Variants in ZNHIT6 observed in about 807,000 individuals in gnomAD.
The protein encoded by ZNHIT6 is zinc finger HIT-type containing 6, also known as box C/D snoRNA protein 1.
In ZNHIT6, 45 loss-of-function variants were observed where a neutral mutation model predicts 57.2. The ratio of observed to expected loss-of-function variants is 0.79; its 90% CI spans 0.62 to 1.01. ZNHIT6 has a LOEUF of 1.01. ZNHIT6 is among the 50% of genes least tolerant of loss of function. The probability of loss-of-function intolerance (pLI) is 0.00; values close to 1 mark genes in which losing one functional copy is unlikely to be tolerated. For missense variants in ZNHIT6, 528 were observed against 567.3 expected (o/e 0.93, Z 0.70); for synonymous variants, 188 against 190.0 (o/e 0.99, Z 0.09).
At chr1:85,658,095 C>G in intron 8 of ZNHIT6, 124 bp from the exon 9 acceptor site, 1 of 593,248 alleles carries the variant, frequency 1.7e-6, no homozygotes. Context: ...TCAGTAGTTA[C>G]TTCCTTATAG....
chr1:85,662,154 T>TAA lies in ZNHIT6; in HGVS notation c.1248-4184_1248-4183insTT, dbSNP rs138664278. Among the ~76,000 whole-genome samples, 265 of 102,152 alleles carry TAA rather than the reference T, an allele frequency of 2.6e-3. 2 individuals carry two copies. Among genetic ancestry groups the TAA allele is most frequent in the East Asian group, 5.2e-3 (16 of 3,096 alleles). The allele number at this position is 102,152 out of a possible 152,430, so 67.0% of individuals were successfully genotyped here. ...TACTTTATTAGCAAATTAGTGTGCT[T>TAA]TAAAAAAAAAAAAAAAACCTCCTCA... On this transcript the variant is annotated intron_variant, in intron 8 of 9. Transcript: ENST00000370574.
In ZNHIT6 at chr1:85,707,871, C is replaced by T; in HGVS notation, c.414G>A (p.Lys138=). ...TTACCTCTTCCTTTACCTTCTCTTCCTTTACCTCTGGTTCACCCACCTTCG... is the reference window on the plus strand; with the variant it reads ...TTACCTCTTCCTTTACCTTCTCTTCTTTTACCTCTGGTTCACCCACCTTCG... The part of the protein sequence containing the change: ...KEAKVGEPEV[K]EEKVKEEVMD... The change falls in exon 1 of 10, where the codon AAG becomes AAA. Residue 138 remains lysine (K), a synonymous_variant. Coordinates refer to ENST00000370574, the MANE Select transcript of ZNHIT6 (RefSeq NM_017953.4). 6.2e-7 allele frequency: 1 copy of T among 1,614,080 alleles called. No homozygotes were observed.
intron 8 of ZNHIT6, among the ~76,000 whole-genome samples, chr1:85,666,840 A>G (rs1661384111): frequency 6.6e-6 from 1 of 152,188 alleles, no homozygotes; most frequent in African/African-American, 2.4e-5. Context: ...TCCTTAAATG[A>G]TGATTCCTTT....
chr1:85,651,956 A>G lies in ZNHIT6; in HGVS notation c.*2102T>C, dbSNP rs1660922599. ...ATTAATCAAATGAGTTGATAATTAT[A>G]TTTAGGGGAATTCTAAGAGTTATAT... is the stretch of plus-strand genomic sequence containing the variant. On this transcript the variant is annotated 3_prime_UTR_variant, in exon 10 of 10. Coordinates refer to ENST00000370574, the MANE Select transcript of ZNHIT6 (RefSeq NM_017953.4). 6.6e-6 allele frequency: 1 copy of G among 152,224 alleles called. No homozygotes were observed. Among genetic ancestry groups the G allele is most frequent in the Admixed American group, 6.5e-5 (1 of 15,276 alleles). 9.4% of individuals were successfully genotyped at this position (152,224 alleles called of 1,614,324 possible).
chr1:85,668,669 A>AT (rs1190291772), intron 8 of ZNHIT6, among the ~76,000 whole-genome samples: 1 of 152,180 alleles, frequency 6.6e-6, no homozygotes, highest in African/African-American at 2.4e-5. Context: ...TTCAAAGTAT[A>AT]TTTTTCAATT....
At chr1:85,695,763 G>A (rs967490002) in intron 5 of ZNHIT6, among the ~76,000 whole-genome samples, 5 of 152,198 alleles carry the variant, frequency 3.3e-5, no homozygotes, top group African/African-American at 9.6e-5. Flanking sequence ...CAGGCCGGGC[G>A]CGGTGGCTCA....
In ZNHIT6 at chr1:85,707,952, G is replaced by GTTCT; in HGVS notation, c.329_332dup (p.Asn111LysfsTer14). 1 of 1,613,696 alleles carries GTTCT rather than the reference G, an allele frequency of 6.2e-7. No homozygotes were observed. ...CCTGCTTCACCTCCAATACGCCTGC[G>GTTCT]TTCTCATCCTTCACCTCAGGCCTAT... is the stretch of plus-strand genomic sequence containing the variant. On this transcript the variant is annotated frameshift_variant, in exon 1 of 10. Transcript: ENST00000370574. LOFTEE classifies it high-confidence loss of function.
At chr1:85,686,040 C>T (rs1662024640) in intron 5 of ZNHIT6, among the ~76,000 whole-genome samples, 2 of 151,762 alleles carry the variant, frequency 1.3e-5, no homozygotes, top group South Asian at 4.2e-4. Flanking sequence ...CAGCTCACTG[C>T]AAGCTCCACC....
At chr1:85,687,281 C>CAAATAAAAAAAAAAAAA (rs1662075641) in intron 5 of ZNHIT6, among the ~76,000 whole-genome samples, 1 of 33,606 alleles carries the variant, frequency 3.0e-5, no homozygotes, top group Non-Finnish European at 5.7e-5. Context: ...AAGACTATCT[C>CAAATAAAAAAAAAAAAA]AAAAAACAAA....
intron 8 of ZNHIT6, among the ~76,000 whole-genome samples, chr1:85,665,215 T>A (rs554450217): frequency 2.4e-4 from 37 of 152,278 alleles, no homozygotes; most frequent in Middle Eastern, 3.4e-3. Flanking sequence ...TGGTTCATAT[T>A]CTTTTTTTGC....
chr1:85,658,452 G>C (rs1197036269), intron 8 of ZNHIT6, among the ~76,000 whole-genome samples: 1 of 151,978 alleles, frequency 6.6e-6, no homozygotes, highest in Admixed American at 6.6e-5. Context: ...GGATGGTCTC[G>C]ATCTCCTGAC....
chr1:85,690,069 G>A (rs112237799), intron 5 of ZNHIT6, among the ~76,000 whole-genome samples: 1 of 152,092 alleles, frequency 6.6e-6, no homozygotes, highest in African/African-American at 2.4e-5. Context: ...TCTCACAGAT[G>A]GCTAGAATAT....
At chr1:85,667,259 C>T (rs1449057905) in intron 8 of ZNHIT6, among the ~76,000 whole-genome samples, 2 of 152,046 alleles carry the variant, frequency 1.3e-5, no homozygotes, top group Non-Finnish European at 2.9e-5. Context: ...TACCAGAGTA[C>T]CTAAATAATA....
At chr1:85,680,136 T>C (rs1661829462) in intron 6 of ZNHIT6, among the ~76,000 whole-genome samples, 1 of 152,022 alleles carries the variant, frequency 6.6e-6, no homozygotes, top group African/African-American at 2.4e-5. Flanking sequence ...GCCCAGGAGG[T>C]TGAAGCTGCA....
At chr1:85,692,774 A>C (rs1450169779) in intron 5 of ZNHIT6, among the ~76,000 whole-genome samples, 5 of 152,174 alleles carry the variant, frequency 3.3e-5, no homozygotes, top group Non-Finnish European at 1.5e-5. Context: ...TAACTGTTTA[A>C]GGAAAAAAGT....
At chr1:85,679,756 T>G (rs1442212772) in intron 6 of ZNHIT6, among the ~76,000 whole-genome samples, 3 of 152,038 alleles carry the variant, frequency 2.0e-5, no homozygotes, top group Non-Finnish European at 1.5e-5. Context: ...AGCTAATTTT[T>G]GTATTTTTAG....
rs141072495 is a variant in ZNHIT6, at chr1:85,681,320, T to C, written c.1020-416A>G. ...CTGAGGCATGAGTACGTGCATTCAGTAGCAAAACAGGAGACAACAAGCTGG... is the reference window on the plus strand; with the variant it reads ...CTGAGGCATGAGTACGTGCATTCAGCAGCAAAACAGGAGACAACAAGCTGG... On this transcript the variant is annotated intron_variant, in intron 5 of 9. Coordinates refer to ENST00000370574, the MANE Select transcript of ZNHIT6 (RefSeq NM_017953.4). Among the ~76,000 whole-genome samples, 1,412 of 152,288 alleles carry C rather than the reference T, an allele frequency of 9.3e-3. 58 individuals carry two copies. The highest frequency in any genetic ancestry group is 0.063 in the Admixed American group (956 of 15,290).
intron 6 of ZNHIT6, among the ~76,000 whole-genome samples, chr1:85,679,746 A>G (rs944252076): frequency 1.3e-5 from 2 of 151,786 alleles, no homozygotes; most frequent in African/African-American, 4.8e-5. Context: ...CACTTCCCCC[A>G]GCTAATTTTT....
At chr1:85,704,837 AC>A (rs767187985) in intron 4 of ZNHIT6, among the ~76,000 whole-genome samples, 7 of 152,236 alleles carry the variant, frequency 4.6e-5, no homozygotes, top group South Asian at 2.1e-4. Flanking sequence ...ATTTAATCAC[AC>A]CATAAACAAA....
Sources: gnomAD v4.1 joint callset for allele counts (sites outside exome capture counted in the v4.1 genomes callset) on GRCh38, gnomAD v4.1.1 for gene constraint, MANE v1.5 for transcripts, NCBI Gene and HGNC (gene_info 2026-07-23, HGNC 2026-07-21) for gene names.